Variants in TMCO6 observed in about 807,000 individuals in gnomAD.
TMCO6 encodes transmembrane and coiled-coil domains 6, also known as transmembrane and coiled-coil domain-containing protein 6.
In TMCO6, 47 loss-of-function variants were observed where a neutral mutation model predicts 61.8. The ratio of observed to expected loss-of-function variants is 0.76; its 90% confidence interval spans 0.60 to 0.97. The LOEUF (loss-of-function observed/expected upper bound fraction) is 0.97, where lower values mean the gene tolerates loss of function less well. Among genes scored for constraint, TMCO6 ranks in the 50% least tolerant of loss-of-function variants. TMCO6 has a pLI of 0.00. For synonymous variants in TMCO6, 261 were observed against 254.2 expected (o/e 1.03, Z -0.25); for missense variants, 557 against 601.6 (o/e 0.93, Z 0.78).
chr5:140,613,386 T>TA, the TMCO6 span, among the ~76,000 whole-genome samples: 10,071 of 86,870 alleles, frequency 0.12, 1,074 homozygotes, highest in East Asian at 0.26. Flanking sequence ...AGACTCTGAC[T>TA]AAAAAAAAAA....
chr5:140,633,312 G>T, the TMCO6 span: 3 of 616,742 alleles, frequency 4.9e-6, no homozygotes, highest in Admixed American at 2.6e-5. Flanking sequence ...TTGCAATGAA[G>T]GATGTTTCAG....
intron 11 of TMCO6, 50 bp downstream of exon 11, chr5:140,644,790 C>G: frequency 6.3e-7 from 1 of 1,599,074 alleles, no homozygotes; most frequent in Non-Finnish European, 8.6e-7. Flanking sequence ...TGAAGCCACA[C>G]AGTGGCTCCC....
At chr5:140,631,969 G>T in the TMCO6 span, 1 of 1,613,744 alleles carries the variant, frequency 6.2e-7, no homozygotes, top group Non-Finnish European at 8.5e-7. Flanking sequence ...CCCTCGTGGG[G>T]GAGGGCAGTT....
the TMCO6 span, among the ~76,000 whole-genome samples, chr5:140,624,689 A>G: frequency 6.6e-6 from 1 of 151,140 alleles, no homozygotes; most frequent in Non-Finnish European, 1.5e-5. Flanking sequence ...AGCTGGGGCT[A>G]ATTTTTTTTT....
the TMCO6 span, among the ~76,000 whole-genome samples, chr5:140,631,303 GAGAC>G: frequency 2.0e-4 from 30 of 152,178 alleles, no homozygotes; most frequent in East Asian, 2.9e-3. Flanking sequence ...AGTGGTAAGG[GAGAC>G]AGACAGAGAG....
At chr5:140,622,052 C>T in the TMCO6 span, among the ~76,000 whole-genome samples, 2 of 152,220 alleles carry the variant, frequency 1.3e-5, no homozygotes, top group Admixed American at 6.5e-5. Flanking sequence ...TTGTGATTTT[C>T]TATTACCTTG....
At chr5:140,627,176 A>G in the TMCO6 span, among the ~76,000 whole-genome samples, 5 of 150,902 alleles carry the variant, frequency 3.3e-5, no homozygotes, top group Admixed American at 1.3e-4. Flanking sequence ...TCTCAATTGC[A>G]TATGTTACAA....
the TMCO6 span, among the ~76,000 whole-genome samples, chr5:140,618,948 G>C: frequency 1.1e-4 from 16 of 152,082 alleles, no homozygotes; most frequent in Non-Finnish European, 2.1e-4. Context: ...CAAAGGCAGA[G>C]TTCATAAAAG....
chr5:140,600,078 T>C, the TMCO6 span, among the ~76,000 whole-genome samples: 1 of 152,222 alleles, frequency 6.6e-6, no homozygotes, highest in African/African-American at 2.4e-5. Flanking sequence ...CATTTTGTTA[T>C]GGAGCTCTTC....
At chr5:140,623,206 TTA>T in the TMCO6 span, among the ~76,000 whole-genome samples, 1 of 152,246 alleles carries the variant, frequency 6.6e-6, no homozygotes, top group African/African-American at 2.4e-5. Flanking sequence ...CTAGTGAGCC[TTA>T]TCTCTCCTCC....
the TMCO6 span, among the ~76,000 whole-genome samples, chr5:140,623,554 G>T: frequency 6.6e-6 from 1 of 151,994 alleles, no homozygotes; most frequent in Non-Finnish European, 1.5e-5. Context: ...TAAAAATCCC[G>T]CAACAGTTCA....
downstream of TMCO6, chr5:140,647,434 G>C (rs994836172): frequency 3.7e-6 from 6 of 1,608,468 alleles, no homozygotes; most frequent in Non-Finnish European, 5.1e-6. Flanking sequence ...GGTCGAGGTC[G>C]TGACCCTGGC....
the TMCO6 span, among the ~76,000 whole-genome samples, chr5:140,623,621 T>A: frequency 6.6e-6 from 1 of 152,214 alleles, no homozygotes; most frequent in Non-Finnish European, 1.5e-5. Context: ...CAGGGCGAAA[T>A]GTATCTATGC....
upstream of TMCO6, among the ~76,000 whole-genome samples, chr5:140,638,564 TC>T (rs55673210): frequency 0.27 from 33,965 of 125,808 alleles, 4,242 homozygotes; most frequent in African/African-American, 0.33. Context: ...TTTCTTTCTT[TC>T]TTTTTTTTTT....
chr5:140,639,737 A>C lies in TMCO6; in HGVS notation c.86-2A>C. ...ACGCTCAGCCGGCTCCTCTGCCCCC[A>C]GCACTGCGGAAGGCGCGGAGGGAGC... is the stretch of plus-strand genomic sequence containing the variant. On this transcript the variant is annotated splice_acceptor_variant, in intron 1 of 11. Transcript: ENST00000394671. LOFTEE classifies it high-confidence loss of function. 1 of 1,590,092 alleles carries C rather than the reference A, an allele frequency of 6.3e-7. No individual in the cohort carries two copies. The highest frequency in any genetic ancestry group is 1.3e-5 in the African/African-American group (1 of 74,874).
the TMCO6 span, chr5:140,633,120 G>A: frequency 6.2e-7 from 1 of 1,612,640 alleles, no homozygotes; most frequent in African/African-American, 1.3e-5. Flanking sequence ...CTCTGGAAGT[G>A]CTTTAGCTTC....
chr5:140,631,818 A>C, the TMCO6 span: 4 of 1,513,720 alleles, frequency 2.6e-6, no homozygotes, highest in Non-Finnish European at 3.5e-6. Context: ...CCCTGAAGCC[A>C]AGGCAGTTTG....
At chr5:140,625,155 A>G in the TMCO6 span, among the ~76,000 whole-genome samples, 1 of 152,142 alleles carries the variant, frequency 6.6e-6, no homozygotes, top group Non-Finnish European at 1.5e-5. Context: ...CCCGGCCTCC[A>G]TCATTTCTTG....
chr5:140,628,496 T>G, the TMCO6 span, among the ~76,000 whole-genome samples: 1 of 151,928 alleles, frequency 6.6e-6, no homozygotes, highest in Non-Finnish European at 1.5e-5. Flanking sequence ...TAGAGTGTAG[T>G]GGTGAGATCT....
Sources: allele counts gnomAD v4.1 joint callset (sites outside exome capture counted in the v4.1 genomes callset), GRCh38; gene constraint gnomAD v4.1.1; transcripts MANE v1.5; gene names NCBI Gene and HGNC (gene_info 2026-07-23, HGNC 2026-07-21).